The following CYP3A43 variants were observed in gnomAD, a reference collection of about 807,000 sequenced individuals.
CYP3A43 encodes the protein cytochrome P450 family 3 subfamily A member 43.
In CYP3A43, 45 loss-of-function variants were observed where a neutral mutation model predicts 58.0. The observed-to-expected ratio is 0.78, with a 90% confidence interval of 0.61 to 0.99. CYP3A43 has a LOEUF of 0.99. Ranked by LOEUF, CYP3A43 falls within the 50% of genes least tolerant of loss-of-function variation. The pLI is 0.00. For synonymous variants in CYP3A43, 191 were observed against 201.4 expected (o/e 0.95, Z 0.44); for missense variants, 593 against 591.9 (o/e 1.00, Z -0.02).
In CYP3A43 at chr7:99,866,014, A is replaced by G. The variant is rs779206384; in HGVS notation, c.*13A>G. 2 of 1,543,142 alleles carry G rather than the reference A, an allele frequency of 1.3e-6. No homozygotes were observed. Among genetic ancestry groups the G allele is most frequent in the African/African-American group, 1.4e-5 (1 of 72,462 alleles). On this transcript the variant is annotated 3_prime_UTR_variant, in exon 13 of 13. Coordinates refer to ENST00000354829, the MANE Select transcript of CYP3A43 (RefSeq NM_057095.3). ...AAGTGGACCCTGACTTTCCCTAAGG[A>G]CTTCCACTTTGTTCAAGAAAGCTGT...
At chr7:99,855,565 TC>T (rs776031145) in intron 7 of CYP3A43, 25 bp from the exon 8 acceptor site, 10 of 1,574,596 alleles carry the variant, frequency 6.4e-6, no homozygotes, top group Non-Finnish European at 7.7e-6. Flanking sequence ...ATTTATTTTT[TC>T]TTTTTCTATT....
At chr7:99,856,931 T>C (rs1349680988) in intron 9 of CYP3A43, 32 bp downstream of exon 9, 1 of 1,601,858 alleles carries the variant, frequency 6.2e-7, no homozygotes, top group Admixed American at 1.8e-5. Flanking sequence ...GGGCTACTGA[T>C]GGGGACACTC....
intron 9 of CYP3A43, among the ~76,000 whole-genome samples, chr7:99,857,679 C>T (rs1335745488): frequency 1.3e-5 from 2 of 151,994 alleles, no homozygotes; most frequent in African/African-American, 4.8e-5. Flanking sequence ...CCTGTCTCTA[C>T]TAAAAATACA....
intron 11 of CYP3A43, 34 bp from the exon 12 acceptor site, chr7:99,863,503 A>G (rs1274239856): frequency 1.9e-6 from 3 of 1,540,634 alleles, no homozygotes; most frequent in African/African-American, 1.4e-5. Context: ...TTTATGTTTC[A>G]TTAACTAGTT....
At chr7:99,853,355 C>A (rs1166850852) in intron 7 of CYP3A43, among the ~76,000 whole-genome samples, 1 of 152,076 alleles carries the variant, frequency 6.6e-6, no homozygotes, top group Non-Finnish European at 1.5e-5. Context: ...ATCCATTTTA[C>A]CTGTTATCTA....
chr7:99,847,837 C>G lies in CYP3A43; in HGVS notation c.432+236C>G, dbSNP rs1292188488. ...GACCAGCCTGGCCAACATGGTGAAA[C>G]CCCAACTCTACTAAAAATACAAAAA... On this transcript the variant is annotated intron_variant, in intron 5 of 12. Transcript: ENST00000354829. The G allele has an allele frequency of 1.1e-5, 6 of 549,250 alleles. No homozygotes were observed. In the African/African-American group the frequency reaches 1.1e-4, roughly 10 times the overall value. The allele number at this position is 549,250 out of a possible 1,614,324, so 34.0% of individuals were successfully genotyped here. A position where few individuals can be genotyped will look rare whatever the true frequency, so the allele number is the denominator to read the frequency against.
chr7:99,862,752 C>T (rs1038970112), intron 11 of CYP3A43, among the ~76,000 whole-genome samples: 4 of 152,180 alleles, frequency 2.6e-5, no homozygotes, highest in African/African-American at 9.7e-5. Flanking sequence ...TGGCAGGGAC[C>T]TTGTCTTGTT....
At chr7:99,843,826 G>GT (rs1817436414) in intron 3 of CYP3A43, among the ~76,000 whole-genome samples, 1 of 152,152 alleles carries the variant, frequency 6.6e-6, no homozygotes, top group South Asian at 2.1e-4. Context: ...GAATGCCCAA[G>GT]TATACACCAC....
rs1817579293 is a variant in CYP3A43 at position 99,847,492 on chromosome 7, T to C, written c.323T>C (p.Leu108Ser). The part of the protein sequence containing the change: ...CYSVFTNQMP[L>S]GPMGFLKSAL... Reference sequence around the variant, plus strand: ...TGCTTCTGCTTTGAACTCAAGCCTTTAGGTCCAATGGGATTTCTGAAAAGT... The same window carrying C: ...TGCTTCTGCTTTGAACTCAAGCCTTCAGGTCCAATGGGATTTCTGAAAAGT... Residue 108 changes from leucine to serine, a missense_variant, in exon 5 of 13, where the codon TTA becomes TCA. Physicochemically the swap from Leu to Ser is moderately radical, Grantham distance 145. Transcript: ENST00000354829. 6.2e-7 allele frequency: 1 copy of C among 1,613,690 alleles called. No homozygotes were observed. Among genetic ancestry groups the C allele is most frequent in the African/African-American group, 1.3e-5 (1 of 74,876 alleles).
At chr7:99,861,897 GC>G in intron 11 of CYP3A43, 58 bp downstream of exon 11, 2 of 1,461,776 alleles carry the variant, frequency 1.4e-6, no homozygotes, top group Non-Finnish European at 1.9e-6. Flanking sequence ...AGTATATTCT[GC>G]CTCTCTCGAT....
intron 1 of CYP3A43, among the ~76,000 whole-genome samples, chr7:99,834,479 G>C (rs1816982851): frequency 2.6e-5 from 4 of 152,198 alleles, no homozygotes; most frequent in Admixed American, 1.3e-4. Context: ...TTAGAAAGAA[G>C]GATGGCTTGA....
chr7:99,843,328 C>T (rs991651239), intron 3 of CYP3A43, among the ~76,000 whole-genome samples: 1 of 152,048 alleles, frequency 6.6e-6, no homozygotes, highest in East Asian at 1.9e-4. Context: ...TGGTGTTCTT[C>T]CCAGATGTAT....
chr7:99,848,366 T>G, intron 6 of CYP3A43, 112 bp downstream of exon 6: 2 of 1,163,098 alleles, frequency 1.7e-6, no homozygotes, highest in South Asian at 2.8e-5. Context: ...AAAGCAGGGC[T>G]GTGGTGTTGC....
intron 12 of CYP3A43, among the ~76,000 whole-genome samples, chr7:99,864,423 C>T (rs1266339644): frequency 6.7e-6 from 1 of 148,598 alleles, no homozygotes; most frequent in African/African-American, 2.6e-5. Context: ...TTTTCCTTCT[C>T]ATTATGTTCC....
At chr7:99,855,399 C>A in intron 7 of CYP3A43, 192 bp from the exon 8 acceptor site, 1 of 609,042 alleles carries the variant, frequency 1.6e-6, no homozygotes, top group Non-Finnish European at 2.7e-6. Flanking sequence ...ATGTGTGGAT[C>A]TGCTCTTGCT....
intron 9 of CYP3A43, 105 bp from the exon 10 acceptor site, chr7:99,859,725 T>G: frequency 6.9e-7 from 1 of 1,456,024 alleles, no homozygotes. Flanking sequence ...TGCTTTTCTA[T>G]TTTTGCTCTT....
At chr7:99,832,457 G>A (rs1273740996) in intron 1 of CYP3A43, among the ~76,000 whole-genome samples, 3 of 143,894 alleles carry the variant, frequency 2.1e-5, no homozygotes, top group Non-Finnish European at 3.0e-5. Context: ...ACCAAACACC[G>A]CATGTTCTCA....
At chr7:99,855,912 TGGAA>T in intron 8 of CYP3A43, among the ~76,000 whole-genome samples, 194 bp downstream of exon 8, 1 of 152,198 alleles carries the variant, frequency 6.6e-6, no homozygotes, top group Non-Finnish European at 1.5e-5. Context: ...AAACAGCATT[TGGAA>T]TTTAATAATA....
intron 7 of CYP3A43, among the ~76,000 whole-genome samples, chr7:99,851,338 C>T (rs1170049469): frequency 1.3e-5 from 2 of 152,090 alleles, no homozygotes; most frequent in Non-Finnish European, 2.9e-5. Context: ...GGAATGGAGG[C>T]GTTTTATAGT....
Sources: allele counts gnomAD v4.1 joint callset (sites outside exome capture counted in the v4.1 genomes callset), GRCh38; gene constraint gnomAD v4.1.1; transcripts MANE v1.5; gene names NCBI Gene and HGNC (gene_info 2026-07-23, HGNC 2026-07-21).